The following NUP85 variants were observed in gnomAD, a reference collection of about 807,000 sequenced individuals.
NUP85 encodes the protein nucleoporin 85, also known as nuclear pore complex protein Nup85.
Under a neutral mutation model 92.8 loss-of-function variants are expected in NUP85, and 23 were observed. The ratio of observed to expected loss-of-function variants is 0.25; its 90% CI spans 0.18 to 0.35. The LOEUF (loss-of-function observed/expected upper bound fraction) is 0.35. Ranked by LOEUF, NUP85 falls within the 10% of genes least tolerant of loss-of-function variation. NUP85 has a pLI of 1.00. For missense variants in NUP85, 759 were observed against 822.8 expected, an observed-to-expected ratio of 0.92 and a Z score of 0.95; for synonymous variants, 314 against 306.9, an observed-to-expected ratio of 1.02 and a Z score of -0.24.
chr17:75,228,440 C>T, intron 11 of NUP85: 1 of 985,432 alleles, frequency 1.0e-6, no homozygotes, highest in Non-Finnish European at 1.2e-6. Context: ...ACCTCCTATC[C>T]TGTTTTGAAA....
Position 75,235,633 on chromosome 17 carries a change from A to T in NUP85, c.1925A>T (p.Asn642Ile). 1 of 1,614,190 alleles carries T rather than the reference A, an allele frequency of 6.2e-7. No individual in the cohort carries two copies. Among genetic ancestry groups the T allele is most frequent in the Non-Finnish European group, 8.5e-7 (1 of 1,179,992 alleles). Reference protein sequence around the residue: ...VEMLRLSLARNLARAIIREGS... With the variant: ...VEMLRLSLARILARAIIREGS... ...ATGCTGAGACTTTCTCTGGCACGAAATCTTGCTCGGGCAATTATAAGAGAA... is the reference window on the plus strand; with the variant it reads ...ATGCTGAGACTTTCTCTGGCACGAATTCTTGCTCGGGCAATTATAAGAGAA... Residue 642 changes from asparagine (N) to isoleucine (I), a missense_variant, in exon 19 of 19, where the codon AAT becomes ATT. Transcript: ENST00000245544.
At chr17:75,233,671 T>G (rs188740622) in intron 16 of NUP85, among the ~76,000 whole-genome samples, 1 of 152,126 alleles carries the variant, frequency 6.6e-6, no homozygotes, top group East Asian at 1.9e-4. Context: ...TGATCTCGGC[T>G]CACTGCAACC....
chr17:75,224,558 CG>C (rs1229215442), intron 7 of NUP85, among the ~76,000 whole-genome samples: 3 of 150,276 alleles, frequency 2.0e-5, no homozygotes, highest in African/African-American at 7.3e-5. Flanking sequence ...TGGGGCTGAG[CG>C]TGGTGGCTCA....
rs2075054212 is a variant in NUP85 at position 75,205,707 on chromosome 17, C to T, written c.-55C>T. On this transcript the variant is annotated 5_prime_UTR_variant, in exon 1 of 19. Transcript: ENST00000245544. ...TCGCAGCCAGCTCTGAGCGGGAGGC[C>T]TGAGCGGGAAGCATTGGCGTCCGAG... 6.2e-7 allele frequency: 1 copy of T among 1,611,574 alleles called. No homozygotes were observed. Among genetic ancestry groups the T allele is most frequent in the Non-Finnish European group, 8.5e-7 (1 of 1,177,738 alleles).
Position 75,235,688 on chromosome 17 carries a change from T to A in NUP85, c.*9T>A, listed in dbSNP as rs761581652. ...CACTGGAAGGTTCCTGAGAACTGCTTCAATGTGGTATCTTTGTATGGCAAT... is the reference window on the plus strand; with the variant it reads ...CACTGGAAGGTTCCTGAGAACTGCTACAATGTGGTATCTTTGTATGGCAAT... On this transcript the variant is annotated 3_prime_UTR_variant, in exon 19 of 19. Coordinates refer to ENST00000245544, the MANE Select transcript of NUP85 (RefSeq NM_024844.5). The A allele has an allele frequency of 3.8e-6, 6 of 1,582,194 alleles. No homozygotes were observed. The highest frequency in any genetic ancestry group is 5.2e-6 in the Non-Finnish European group (6 of 1,151,506).
chr17:75,215,771 A>G lies in NUP85; in HGVS notation c.423A>G (p.Ala141=), dbSNP rs2075411506. 6.2e-7 allele frequency: 1 copy of G among 1,613,958 alleles called. No individual in the cohort carries two copies. The highest frequency in any genetic ancestry group is 8.5e-7 in the Non-Finnish European group (1 of 1,179,916). Residue 141 remains alanine (A), a synonymous_variant, in exon 6 of 19, where the codon GCA becomes GCG. Coordinates refer to ENST00000245544, the MANE Select transcript of NUP85 (RefSeq NM_024844.5). ...TTCCTTAGGTCTCCATTTTGTCAGC[A>G]ATGGAGCTCATCTGGAACCTGTGTG... is the stretch of plus-strand genomic sequence containing the variant. ...QFSSQVSILS[A]MELIWNLCEI...
intron 11 of NUP85, chr17:75,228,110 G>T: frequency 9.1e-6 from 7 of 772,290 alleles, no homozygotes; most frequent in Non-Finnish European, 1.1e-5. Flanking sequence ...TGTTATAACA[G>T]TGAGTGAGTT....
intron 5 of NUP85, among the ~76,000 whole-genome samples, chr17:75,213,539 C>T (rs1440859522): frequency 2.6e-5 from 4 of 151,830 alleles, no homozygotes; most frequent in South Asian, 2.1e-4. Context: ...GTGATCCACC[C>T]GCCTCGACCT....
chr17:75,214,460 T>C (rs1319340496), intron 5 of NUP85, among the ~76,000 whole-genome samples: 2 of 152,194 alleles, frequency 1.3e-5, no homozygotes, highest in African/African-American at 2.4e-5. Flanking sequence ...GAATACCAGC[T>C]TCACAATTCT....
At chr17:75,213,862 G>GGTTTTTTTTTTTTTTTTT (rs1568071585) in intron 5 of NUP85, among the ~76,000 whole-genome samples, 2 of 122,014 alleles carry the variant, frequency 1.6e-5, no homozygotes, top group Non-Finnish European at 1.7e-5. Context: ...CAAAACTCAA[G>GGTTTTTTTTTTTTTTTTT]TTTTTTTTTT....
chr17:75,225,837 A>G lies in NUP85; in HGVS notation c.987+8A>G. ...CTGCACTACTATGCCCAGGTGAGTG[A>G]GCTCGGGGTGGGCAAGGGTGGGGGT... On this transcript the variant is annotated splice_region_variant and intron_variant, in intron 10 of 18. Coordinates refer to ENST00000245544, the MANE Select transcript of NUP85 (RefSeq NM_024844.5). 1.2e-6 allele frequency: 2 copies of G among 1,606,012 alleles called. No individual in the cohort carries two copies. Among genetic ancestry groups the G allele is most frequent in the South Asian group, 2.2e-5 (2 of 90,896 alleles).
intron 7 of NUP85, among the ~76,000 whole-genome samples, chr17:75,223,492 A>T (rs2075657902): frequency 6.6e-6 from 1 of 152,032 alleles, no homozygotes; most frequent in Non-Finnish European, 1.5e-5. Flanking sequence ...GGTTCAAATG[A>T]TTCTTGTTCC....
At chr17:75,233,294 G>T in intron 16 of NUP85, 136 bp downstream of exon 16, 2 of 668,814 alleles carry the variant, frequency 3.0e-6, no homozygotes, top group Non-Finnish European at 5.2e-6. Flanking sequence ...AACATCCTCC[G>T]TCATGTCCAG....
At chr17:75,213,184 G>A (rs1360563494) in intron 5 of NUP85, 65 bp downstream of exon 5, 1 of 1,510,574 alleles carries the variant, frequency 6.6e-7, no homozygotes, top group Admixed American at 1.8e-5. Context: ...CCCACCTGGG[G>A]TGGCTTTGCA....
Position 75,231,333 on chromosome 17 carries a change from T to A in NUP85, c.1095-7T>A, listed in dbSNP as rs867960400. On this transcript the variant is annotated splice_polypyrimidine_tract_variant and splice_region_variant and intron_variant, in intron 11 of 18. Coordinates refer to ENST00000245544, the MANE Select transcript of NUP85 (RefSeq NM_024844.5). This position sits in a 1 kb window ranked among gnomAD's most constrained non-coding sequence, Gnocchi z 4.6. ...TTTCCTTCTTGCCTTGGTGTCTGAA[T>A]CTGCAGCATCGCCCTGAGCAACTGG... 1.2e-6 allele frequency: 2 copies of A among 1,614,162 alleles called. No individual in the cohort carries two copies.
intron 1 of NUP85, among the ~76,000 whole-genome samples, chr17:75,207,250 C>G (rs1439490553): frequency 6.6e-6 from 1 of 151,652 alleles, no homozygotes; most frequent in Non-Finnish European, 1.5e-5. Context: ...GTGGTGCGGT[C>G]TCGGCTCTCT....
chr17:75,232,264 G>A, intron 14 of NUP85: 2 of 430,754 alleles, frequency 4.6e-6, no homozygotes, highest in South Asian at 4.9e-5. Context: ...GCTGGGGTTG[G>A]CGCTGTTTCC....
At chr17:75,233,019 C>T (rs907662063) in intron 15 of NUP85, 39 bp from the exon 16 acceptor site, 23 of 1,613,138 alleles carry the variant, frequency 1.4e-5, no homozygotes, top group South Asian at 2.2e-5. Context: ...TGAGGTGGGC[C>T]TGAGACTGCT....
intron 3 of NUP85, among the ~76,000 whole-genome samples, 195 bp downstream of exon 3, chr17:75,210,180 T>G (rs1351627054): frequency 6.6e-6 from 1 of 152,212 alleles, no homozygotes; most frequent in Non-Finnish European, 1.5e-5. Context: ...CAAATGCTAT[T>G]GATGGGCTGG....
Sources: allele counts gnomAD v4.1 joint callset (sites outside exome capture counted in the v4.1 genomes callset), GRCh38; gene constraint gnomAD v4.1.1; non-coding constraint Gnocchi (gnomAD v3.1); transcripts MANE v1.5; gene names NCBI Gene and HGNC (gene_info 2026-07-23, HGNC 2026-07-21).